TRPM3: variants seen among roughly 807,000 people sequenced by gnomAD.
TRPM3 encodes the protein transient receptor potential cation channel subfamily M member 3.
Under a neutral mutation model 181.2 loss-of-function variants are expected in TRPM3, and 77 were observed. That is an observed-to-expected ratio of 0.42 (90% confidence interval 0.35 to 0.51). The LOEUF (loss-of-function observed/expected upper bound fraction) is 0.51. Ranked by LOEUF, TRPM3 falls within the 20% of genes least tolerant of loss-of-function variation. The pLI is 0.01. For missense variants in TRPM3, 1,759 were observed against 2,196.7 expected, an observed-to-expected ratio of 0.80 and a Z score of 3.98; for synonymous variants, 745 against 796.4, an observed-to-expected ratio of 0.94 and a Z score of 1.09.
intron 1 of TRPM3, among the ~76,000 whole-genome samples, chr9:71,321,453 AG>A (rs778916701): frequency 8.5e-5 from 13 of 152,340 alleles, no homozygotes; most frequent in Middle Eastern, 3.4e-3. Context: ...AAAATCAAAC[AG>A]AAAAATCAGC....
At chr9:70,578,294 T>C (rs906538003) in intron 22 of TRPM3, among the ~76,000 whole-genome samples, 2 of 100,218 alleles carry the variant, frequency 2.0e-5, no homozygotes, top group Non-Finnish European at 4.1e-5. Context: ...GGTGCTTTTG[T>C]ATCCAAAAAA....
At chr9:70,629,273 G>A (rs2065337164) in intron 12 of TRPM3, among the ~76,000 whole-genome samples, 1 of 119,126 alleles carries the variant, frequency 8.4e-6, no homozygotes, top group Non-Finnish European at 1.7e-5. Context: ...TCACCTAACC[G>A]AAGCCAATGA....
chr9:71,178,827 A>T (rs1279841763), intron 1 of TRPM3, among the ~76,000 whole-genome samples: 1 of 152,102 alleles, frequency 6.6e-6, no homozygotes, highest in East Asian at 1.9e-4. Flanking sequence ...TCGCTGTTAA[A>T]AATGCCTGCC....
At chr9:70,598,168 G>A (rs1199022678) in intron 21 of TRPM3, among the ~76,000 whole-genome samples, 1 of 152,110 alleles carries the variant, frequency 6.6e-6, no homozygotes. Context: ...CTAGTCCAGT[G>A]TCCAGCATAA....
intron 1 of TRPM3, among the ~76,000 whole-genome samples, chr9:70,897,932 A>T (rs2096305767): frequency 6.6e-6 from 1 of 152,138 alleles, no homozygotes; most frequent in African/African-American, 2.4e-5. Flanking sequence ...ATTAAACAAC[A>T]GATAATTAAC....
At chr9:70,879,523 G>A (rs1376216347) in intron 1 of TRPM3, among the ~76,000 whole-genome samples, 1 of 151,876 alleles carries the variant, frequency 6.6e-6, no homozygotes, top group African/African-American at 2.4e-5. Context: ...GACTAATAGC[G>A]TGCAGTTATC....
At chr9:70,881,706 G>T (rs1342949018) in intron 1 of TRPM3, among the ~76,000 whole-genome samples, 1 of 152,216 alleles carries the variant, frequency 6.6e-6, no homozygotes, top group Non-Finnish European at 1.5e-5. Context: ...GCTAACAAAA[G>T]ATGACATTGC....
intron 1 of TRPM3, among the ~76,000 whole-genome samples, chr9:71,065,586 A>G (rs1284152395): frequency 6.6e-6 from 1 of 152,188 alleles, no homozygotes; most frequent in East Asian, 1.9e-4. Flanking sequence ...GCATATTATT[A>G]AGTGAATTCA....
chr9:70,933,882 T>C (rs548278835), intron 1 of TRPM3, among the ~76,000 whole-genome samples: 2 of 151,930 alleles, frequency 1.3e-5, no homozygotes, highest in Non-Finnish European at 2.9e-5. Context: ...GGCACAGGAT[T>C]GGACTTTGAT....
intron 1 of TRPM3, among the ~76,000 whole-genome samples, chr9:71,057,955 A>C (rs997402799): frequency 6.6e-6 from 1 of 152,106 alleles, no homozygotes; most frequent in Admixed American, 6.6e-5. Flanking sequence ...ATTTTATAAG[A>C]ATATGCATTA....
chr9:70,740,868 A>G (rs985484469), intron 8 of TRPM3, among the ~76,000 whole-genome samples: 2 of 152,240 alleles, frequency 1.3e-5, no homozygotes, highest in African/African-American at 4.8e-5. Context: ...GTTCTAGGAG[A>G]TAACATCGGA....
At chr9:71,110,608 T>G (rs558428171) in intron 1 of TRPM3, among the ~76,000 whole-genome samples, 1 of 152,178 alleles carries the variant, frequency 6.6e-6, no homozygotes, top group Non-Finnish European at 1.5e-5. Context: ...TTCTGGCCTT[T>G]TATACAAACC....
At chr9:70,938,456 G>A (rs1379368201) in intron 1 of TRPM3, among the ~76,000 whole-genome samples, 1 of 152,036 alleles carries the variant, frequency 6.6e-6, no homozygotes, top group African/African-American at 2.4e-5. Flanking sequence ...TGGTGAATAT[G>A]TCTCTATTTA....
At chr9:70,745,128 CTTA>C (rs2074922632) in intron 8 of TRPM3, among the ~76,000 whole-genome samples, 1 of 152,034 alleles carries the variant, frequency 6.6e-6, no homozygotes, top group Non-Finnish European at 1.5e-5. Flanking sequence ...TTATTGAGTG[CTTA>C]TTGTTTTTTG....
chr9:71,136,337 TCAG>T (rs1649062759), intron 1 of TRPM3, among the ~76,000 whole-genome samples: 1 of 152,202 alleles, frequency 6.6e-6, no homozygotes, highest in Non-Finnish European at 1.5e-5. Flanking sequence ...ATTGCTAGGC[TCAG>T]CCTGTTCTCT....
At chr9:70,850,520 A>G (rs1326156055) in intron 3 of TRPM3, among the ~76,000 whole-genome samples, 3 of 152,150 alleles carry the variant, frequency 2.0e-5, no homozygotes, top group Non-Finnish European at 4.4e-5. Flanking sequence ...TTTCCCAGGT[A>G]TATTCTTATC....
upstream of TRPM3, chr9:71,121,684 G>A: frequency 1.8e-6 from 2 of 1,081,936 alleles, no homozygotes; most frequent in Non-Finnish European, 2.3e-6. Context: ...GGGAACCGGG[G>A]CCATTGCTTT....
rs1456665931 is a variant in TRPM3 at position 70,571,203 on chromosome 9, G to A, written c.3224-17893C>T. ...ACACAGGACCCAGGCTCCGGAGCCG[G>A]CCAACATGGGTTCAAGTCTTAGCTC... On this transcript the variant is annotated intron_variant, in intron 22 of 25. Transcript: ENST00000677713. 2.6e-5 allele frequency among the ~76,000 whole-genome samples: 4 copies of A among 152,136 alleles called. No homozygotes were observed. The East Asian group carries it at 7.7e-4, about 29-fold the overall frequency.
Position 71,344,645 on chromosome 9 carries a change from CAT to C in TRPM3, c.183+102006_183+102007del, listed in dbSNP as rs2091184957. On this transcript the variant is annotated intron_variant, in intron 1 of 24. Coordinates refer to the TRPM3 transcript ENST00000357533. Reference sequence around the variant, plus strand: ...AAGACTATAAAACTTTTAGAAGAAACATAGGACAATATCATCACACCACTGAG... The same window carrying C: ...AAGACTATAAAACTTTTAGAAGAAACAGGACAATATCATCACACCACTGAG... Among the ~76,000 whole-genome samples the C allele has an allele frequency of 3.9e-5, 6 of 152,172 alleles. No homozygotes were observed. In the South Asian group the frequency reaches 1.2e-3, roughly 32 times the overall value.
Sources: allele counts gnomAD v4.1 joint callset (sites outside exome capture counted in the v4.1 genomes callset), GRCh38; gene constraint gnomAD v4.1.1; transcripts MANE v1.5; gene names NCBI Gene and HGNC (gene_info 2026-07-23, HGNC 2026-07-21).